GNPNAT1: variants seen among roughly 807,000 people sequenced by gnomAD.
GNPNAT1 encodes glucosamine-phosphate N-acetyltransferase 1.
In GNPNAT1, 11 loss-of-function variants were observed where a neutral mutation model predicts 19.8. That is an observed-to-expected ratio of 0.56 (90% CI 0.35 to 0.92). GNPNAT1 has a LOEUF of 0.92. Among genes scored for constraint, GNPNAT1 ranks in the 40% least tolerant of loss-of-function variants. The probability of loss-of-function intolerance (pLI) is 0.01; values close to 1 mark genes in which losing one functional copy is unlikely to be tolerated. For synonymous variants in GNPNAT1, 71 were observed against 72.3 expected (o/e 0.98, Z 0.09); for missense variants, 157 against 211.0 (o/e 0.74, Z 1.59).
Position 52,785,451 on chromosome 14 carries a change from G to A in GNPNAT1, c.-14-787C>T, listed in dbSNP as rs189030819. 5.3e-3 allele frequency among the ~76,000 whole-genome samples: 804 copies of A among 151,770 alleles called. 4 individuals are homozygous for A. The highest frequency in any genetic ancestry group is 0.017 in the Middle Eastern group (5 of 294). The stretch of plus-strand genomic sequence containing the variant: ...ATAAAGAAAACTTTCAGCTGTGCAC[G>A]GTGGCTCACACCTGTAATACCAACA... On this transcript the variant is annotated intron_variant, in intron 1 of 5. Coordinates refer to ENST00000216410, the MANE Select transcript of GNPNAT1 (RefSeq NM_198066.4).
At chr14:52,788,016 C>T (rs1348848114) in intron 1 of GNPNAT1, 1 of 152,124 alleles carries the variant, frequency 6.6e-6, no homozygotes, top group East Asian at 2.0e-4. Context: ...ATGCTGCATA[C>T]ACTATACCCA....
In GNPNAT1 at chr14:52,778,244, T is replaced by C; in HGVS notation, c.*67A>G. The C allele has an allele frequency of 1.6e-6, 2 of 1,263,190 alleles. No homozygotes were observed. The highest frequency in any genetic ancestry group is 2.2e-6 in the Non-Finnish European group (2 of 924,530). 78.2% of individuals were successfully genotyped at this position (1,263,190 alleles called of 1,614,324 possible). A position where few individuals can be genotyped will look rare whatever the true frequency, so the allele number is the denominator to read the frequency against. On this transcript the variant is annotated 3_prime_UTR_variant, in exon 6 of 6. Transcript: ENST00000216410. ...AGGTCACTCGGCTGCAGCAACAAAATATTTCAACTCTAGGAAGAGTGTAGC... is the reference window on the plus strand; with the variant it reads ...AGGTCACTCGGCTGCAGCAACAAAACATTTCAACTCTAGGAAGAGTGTAGC...
rs191581046 is a variant in GNPNAT1 at position 52,789,090 on chromosome 14, A to G, written c.-15+2338T>C. Among the ~76,000 whole-genome samples the G allele has an allele frequency of 8.5e-5, 13 of 152,346 alleles. No homozygotes were observed. In the East Asian group the frequency reaches 2.3e-3, roughly 27 times the overall value. On this transcript the variant is annotated intron_variant, in intron 1 of 5. Coordinates refer to ENST00000216410, the MANE Select transcript of GNPNAT1 (RefSeq NM_198066.4). ...GTAACTTGCTCAAGGTTAGAGTGCC[A>G]ATAAGAACAGAGTGAGGATTCAAAA...
chr14:52,778,993 G>A (rs1010965099), intron 5 of GNPNAT1, among the ~76,000 whole-genome samples: 3 of 152,026 alleles, frequency 2.0e-5, no homozygotes, highest in Admixed American at 6.6e-5. Flanking sequence ...TCCAGCCTGG[G>A]CAACAGAGTG....
At chr14:52,785,615 C>T (rs1021503680) in intron 1 of GNPNAT1, among the ~76,000 whole-genome samples, 1 of 151,266 alleles carries the variant, frequency 6.6e-6, no homozygotes, top group Non-Finnish European at 1.5e-5. Context: ...CCCAGCTACT[C>T]GGGAGGCTGA....
At chr14:52,783,560 G>A in intron 2 of GNPNAT1, 75 bp from the exon 3 acceptor site, 2 of 933,988 alleles carry the variant, frequency 2.1e-6, no homozygotes, top group Non-Finnish European at 3.5e-6. Flanking sequence ...AATATATTAA[G>A]CAGGTGGGCT....
rs1882785945 is a variant in GNPNAT1, at chr14:52,778,236, C to G, written c.*75G>C. On this transcript the variant is annotated 3_prime_UTR_variant, in exon 6 of 6. Coordinates refer to ENST00000216410, the MANE Select transcript of GNPNAT1 (RefSeq NM_198066.4). ...ATTTATGGAGGTCACTCGGCTGCAGCAACAAAATATTTCAACTCTAGGAAG... is the reference window on the plus strand; with the variant it reads ...ATTTATGGAGGTCACTCGGCTGCAGGAACAAAATATTTCAACTCTAGGAAG... The G allele has an allele frequency of 8.5e-6, 10 of 1,179,612 alleles. No individual in the cohort carries two copies. The South Asian group carries it at 1.7e-4, about 21-fold the overall frequency. The allele number at this position is 1,179,612 out of a possible 1,614,324, so 73.1% of individuals were successfully genotyped here. A position where few individuals can be genotyped will look rare whatever the true frequency, so the allele number is the denominator to read the frequency against.
At chr14:52,788,735 A>G (rs1883080844) in intron 1 of GNPNAT1, among the ~76,000 whole-genome samples, 1 of 152,230 alleles carries the variant, frequency 6.6e-6, no homozygotes, top group Non-Finnish European at 1.5e-5. Context: ...ACATTTAACT[A>G]GATTCCTTTT....
chr14:52,778,405 G>C lies in GNPNAT1; in HGVS notation c.461C>G (p.Thr154Ser). The C allele has an allele frequency of 1.9e-6, 3 of 1,608,614 alleles. No homozygotes were observed. The highest frequency in any genetic ancestry group is 2.5e-6 in the Non-Finnish European group (3 of 1,177,784). ...AACATTTTGTGGTAGACATTCAAGGGTAATCTTGTAACAGTTCAGTTTCTT... is the reference window on the plus strand; with the variant it reads ...AACATTTTGTGGTAGACATTCAAGGCTAATCTTGTAACAGTTCAGTTTCTT... ...LSKKLNCYKI[T>S]LECLPQNVGF... Residue 154 changes from threonine (T) to serine (S), a missense_variant, in exon 6 of 6, where the codon ACC (threonine) becomes AGC (serine). Physicochemically the swap from Thr to Ser is moderately conservative, Grantham distance 58 (BLOSUM62 1). Coordinates refer to ENST00000216410, the MANE Select transcript of GNPNAT1 (RefSeq NM_198066.4).
At position 52,776,606 on chromosome 14, in the gene GNPNAT1, A is replaced by G. The variant is rs890861342; in HGVS notation, c.*1705T>C. On this transcript the variant is annotated 3_prime_UTR_variant, in exon 6 of 6. Coordinates refer to ENST00000216410, the MANE Select transcript of GNPNAT1 (RefSeq NM_198066.4). ...GAGTCTCTCTCTGTCGCCAGGCTGG[A>G]GTGCAGTGGTGTGATCTCAGCTCAC... The G allele has an allele frequency of 2.0e-5, 3 of 152,242 alleles. No homozygotes were observed. The highest frequency in any genetic ancestry group is 1.3e-4 in the Admixed American group (2 of 15,278). 9.4% of individuals were successfully genotyped at this position (152,242 alleles called of 1,614,324 possible). A position where few individuals can be genotyped will look rare whatever the true frequency, so the allele number is the denominator to read the frequency against.
intron 3 of GNPNAT1, among the ~76,000 whole-genome samples, chr14:52,783,051 A>G (rs1227876249): frequency 1.3e-5 from 2 of 152,078 alleles, no homozygotes; most frequent in Non-Finnish European, 2.9e-5. Flanking sequence ...AAACTTCAAT[A>G]CAAATAAACC....
rs35906707 is a variant in GNPNAT1 at position 52,779,724 on chromosome 14, TAAAAAAAA to T, written c.407+947_407+954del. Among the ~76,000 whole-genome samples the T allele has an allele frequency of 5.8e-3, 223 of 38,220 alleles. 4 individuals carry two copies. Among genetic ancestry groups the T allele is most frequent in the African/African-American group, 0.025 (211 of 8,558 alleles). 25.1% of individuals were successfully genotyped at this position (38,220 alleles called of 152,430 possible). ...GGCAACAGAAAGAGATCCCATCTCT[TAAAAAAAA>T]AAAAAAAAAAAAAAAAAACATAAAT... On this transcript the variant is annotated intron_variant, in intron 5 of 5. Transcript: ENST00000216410.
chr14:52,781,386 A>T (rs1346184538), intron 4 of GNPNAT1, among the ~76,000 whole-genome samples: 1 of 152,060 alleles, frequency 6.6e-6, no homozygotes, highest in African/African-American at 2.4e-5. Context: ...TTACTATTTT[A>T]TGTGAGTTAT....
chr14:52,782,436 T>G (rs907619452), intron 3 of GNPNAT1, among the ~76,000 whole-genome samples: 2 of 152,142 alleles, frequency 1.3e-5, no homozygotes, highest in African/African-American at 4.8e-5. Context: ...CTTGTTTGCT[T>G]TGAGAGCACC....
At chr14:52,778,514 TTC>T in intron 5 of GNPNAT1, 56 bp from the exon 6 acceptor site, 1 of 1,425,984 alleles carries the variant, frequency 7.0e-7, no homozygotes, top group South Asian at 1.3e-5. Flanking sequence ...TAAAAATTGA[TTC>T]TAGTAACAAT....
In GNPNAT1 at chr14:52,777,966, GC is replaced by G. The variant is rs1262492073; in HGVS notation, c.*344del. 6.3e-6 allele frequency: 1 copy of G among 158,832 alleles called. No homozygotes were observed. The highest frequency in any genetic ancestry group is 1.4e-5 in the Non-Finnish European group (1 of 72,628). 9.8% of individuals were successfully genotyped at this position (158,832 alleles called of 1,614,324 possible). ...TTCAATGTATACTTTTTTTAAATGA[GC>G]AACACAGATAGCAGACATATAACTC... is the stretch of plus-strand genomic sequence containing the variant. On this transcript the variant is annotated 3_prime_UTR_variant, in exon 6 of 6. Coordinates refer to ENST00000216410, the MANE Select transcript of GNPNAT1 (RefSeq NM_198066.4).
intron 3 of GNPNAT1, among the ~76,000 whole-genome samples, chr14:52,783,149 TAAA>T (rs1026360727): frequency 7.3e-4 from 111 of 151,946 alleles, no homozygotes; most frequent in African/African-American, 2.4e-3. Context: ...AATACTACAA[TAAA>T]AAAACGAAAA....
chr14:52,776,464 A>T lies in GNPNAT1; in HGVS notation c.*1847T>A, dbSNP rs1882723372. The T allele has an allele frequency of 6.6e-6, 1 of 152,212 alleles. No individual in the cohort carries two copies. Among genetic ancestry groups the T allele is most frequent in the African/African-American group, 2.4e-5 (1 of 41,458 alleles). 9.4% of individuals were successfully genotyped at this position (152,212 alleles called of 1,614,324 possible). A position where few individuals can be genotyped will look rare whatever the true frequency, so the allele number is the denominator to read the frequency against. The stretch of plus-strand genomic sequence containing the variant: ...TTAGGAACACTATTTAAAGGGATTT[A>T]CTGAAGTGCCAACCTTGTGAATGAT... On this transcript the variant is annotated 3_prime_UTR_variant, in exon 6 of 6. Transcript: ENST00000216410.
intron 5 of GNPNAT1, 67 bp downstream of exon 5, chr14:52,780,612 A>T: frequency 1.1e-6 from 1 of 936,958 alleles, no homozygotes; most frequent in Non-Finnish European, 1.7e-6. Flanking sequence ...ACTTCAAACA[A>T]GTATCTTGTT....
Sources: gnomAD v4.1 joint callset for allele counts (sites outside exome capture counted in the v4.1 genomes callset) on GRCh38, gnomAD v4.1.1 for gene constraint, MANE v1.5 for transcripts, NCBI Gene and HGNC (gene_info 2026-07-23, HGNC 2026-07-21) for gene names.